Variants in CTNNA3 observed in about 807,000 individuals in gnomAD.
CTNNA3 encodes the protein catenin alpha-3.
In CTNNA3, 76 loss-of-function variants were observed where a neutral mutation model predicts 95.7. That is an observed-to-expected ratio of 0.79 (90% CI 0.66 to 0.96). The LOEUF (loss-of-function observed/expected upper bound fraction) is 0.96. Among genes scored for constraint, CTNNA3 ranks in the 40% least tolerant of loss-of-function variants. The pLI is 0.00. For missense variants in CTNNA3, 1,191 were observed against 1,089.8 expected (o/e 1.09, Z -1.31); for synonymous variants, 431 against 374.4 (o/e 1.15, Z -1.74).
intron 3 of CTNNA3, among the ~76,000 whole-genome samples, chr10:67,587,682 G>C (rs1392942649): frequency 6.6e-6 from 1 of 152,110 alleles, no homozygotes; most frequent in African/African-American, 2.4e-5. Flanking sequence ...ATGTGCCATA[G>C]CAAAGTCCTT....
intron 5 of CTNNA3, among the ~76,000 whole-genome samples, chr10:67,407,139 C>T (rs1424736773): frequency 6.6e-5 from 10 of 152,148 alleles, no homozygotes; most frequent in Non-Finnish European, 1.5e-4. Flanking sequence ...GGCCAATATC[C>T]TTGATAAACA....
chr10:66,595,617 G>A (rs180745134), intron 10 of CTNNA3, among the ~76,000 whole-genome samples: 81 of 152,082 alleles, frequency 5.3e-4, no homozygotes, highest in African/African-American at 1.7e-3. Flanking sequence ...GATTATAGGC[G>A]TCAGCCACCG....
intron 10 of CTNNA3, among the ~76,000 whole-genome samples, chr10:66,557,183 T>TC (rs2132123920): frequency 6.7e-6 from 1 of 150,288 alleles, no homozygotes; most frequent in South Asian, 2.1e-4. Flanking sequence ...ACGTGCTTTA[T>TC]ATGTGTGCAT....
At position 66,167,899 on chromosome 10, in the gene CTNNA3, TAATATCCCAG is replaced by T. The variant is rs538196890; in HGVS notation, c.1885-64660_1885-64651del. ...AGTGTGTCCAGAAATTGGCCTGCCTTAATATCCCAGATACACCTAGTCATCGGCTAAGCAC... is the reference window on the plus strand; with the variant it reads ...AGTGTGTCCAGAAATTGGCCTGCCTTATACACCTAGTCATCGGCTAAGCAC... On this transcript the variant is annotated intron_variant, in intron 13 of 17. Transcript: ENST00000433211. Among the ~76,000 whole-genome samples, 15 of 152,240 alleles carry T rather than the reference TAATATCCCAG, an allele frequency of 9.9e-5. No individual in the cohort carries two copies. In the South Asian group the frequency reaches 3.1e-3, roughly 32 times the overall value.
intron 5 of CTNNA3, among the ~76,000 whole-genome samples, chr10:67,291,047 G>T (rs1348353443): frequency 6.6e-6 from 1 of 152,098 alleles, no homozygotes; most frequent in Non-Finnish European, 1.5e-5. Flanking sequence ...ATGGACTCCG[G>T]AGTCAGATGC....
chr10:66,174,830 C>T (rs763650578), intron 13 of CTNNA3, among the ~76,000 whole-genome samples: 3 of 152,018 alleles, frequency 2.0e-5, no homozygotes, highest in Non-Finnish European at 4.4e-5. Context: ...ATGCTATCTC[C>T]TTTGTTCTTC....
intron 10 of CTNNA3, 127 bp downstream of exon 10, chr10:66,621,565 C>G: frequency 1.9e-6 from 1 of 532,628 alleles, no homozygotes. Flanking sequence ...GCATTCCAGC[C>G]TGGGCAACAG....
At chr10:65,949,658 G>T (rs1035401768) in intron 17 of CTNNA3, among the ~76,000 whole-genome samples, 1 of 152,142 alleles carries the variant, frequency 6.6e-6, no homozygotes, top group African/African-American at 2.4e-5. Flanking sequence ...ACCTCAGAGC[G>T]GGTTGTGAAA....
intron 3 of CTNNA3, among the ~76,000 whole-genome samples, chr10:67,560,245 G>A (rs146526774): frequency 0.036 from 5,240 of 146,132 alleles, 187 homozygotes; most frequent in Non-Finnish European, 0.053. Flanking sequence ...GAGAAAGGTC[G>A]GGTTACCCAC....
At chr10:66,452,935 G>T (rs1284457642) in intron 11 of CTNNA3, among the ~76,000 whole-genome samples, 1 of 152,090 alleles carries the variant, frequency 6.6e-6, no homozygotes, top group African/African-American at 2.4e-5. Flanking sequence ...CGAGCCTCTG[G>T]CTGGGTGCAG....
At chr10:66,485,197 A>G (rs958472220) in intron 11 of CTNNA3, among the ~76,000 whole-genome samples, 1 of 152,158 alleles carries the variant, frequency 6.6e-6, no homozygotes, top group African/African-American at 2.4e-5. Flanking sequence ...ACTTTTGCCA[A>G]TTCTATTAAA....
intron 3 of CTNNA3, among the ~76,000 whole-genome samples, chr10:67,591,385 G>A (rs929365573): frequency 6.6e-6 from 1 of 151,788 alleles, no homozygotes; most frequent in African/African-American, 2.4e-5. Flanking sequence ...TAGACAATAG[G>A]AACAAACCTA....
chr10:66,115,917 T>C (rs951591977), intron 13 of CTNNA3, among the ~76,000 whole-genome samples: 2 of 152,174 alleles, frequency 1.3e-5, no homozygotes, highest in Non-Finnish European at 2.9e-5. Context: ...TTCAGATCTA[T>C]ATTAGACTTT....
chr10:66,669,292 C>T (rs1255347867), intron 9 of CTNNA3, among the ~76,000 whole-genome samples: 1 of 151,936 alleles, frequency 6.6e-6, no homozygotes, highest in African/African-American at 2.4e-5. Context: ...GTTTGTAATC[C>T]CAGAACTTTG....
intron 7 of CTNNA3, among the ~76,000 whole-genome samples, chr10:67,164,010 T>G (rs1452650338): frequency 6.6e-6 from 1 of 151,956 alleles, no homozygotes; most frequent in Non-Finnish European, 1.5e-5. Flanking sequence ...CCTGTGTTCA[T>G]GAACTGGAAG....
In CTNNA3 at chr10:67,130,153, T is replaced by G. The variant is rs190394933; in HGVS notation, c.1047+50164A>C. Among the ~76,000 whole-genome samples, 786 of 152,176 alleles carry G rather than the reference T, an allele frequency of 5.2e-3. 6 individuals carry two copies. The highest frequency in any genetic ancestry group is 0.018 in the African/African-American group (734 of 41,530). ...TCCTTTAAAGAAACCTCAGGAGGGT[T>G]CCTGCCTCAGTGTTGCTCCTCTATG... On this transcript the variant is annotated intron_variant, in intron 7 of 17. Coordinates refer to ENST00000433211, the MANE Select transcript of CTNNA3 (RefSeq NM_013266.4).
chr10:65,966,571 A>C (rs139594183), intron 17 of CTNNA3, 41 bp downstream of exon 17: 2 of 1,550,638 alleles, frequency 1.3e-6, no homozygotes, highest in South Asian at 2.5e-5. Context: ...TGTTTCAAGC[A>C]TCTTCCACCT....
intron 7 of CTNNA3, among the ~76,000 whole-genome samples, chr10:67,008,582 C>T (rs1251095898): frequency 6.6e-6 from 1 of 152,130 alleles, no homozygotes; most frequent in Admixed American, 6.5e-5. Context: ...GCTGGCCTGG[C>T]TCATCTCTGA....
At chr10:66,650,021 C>G (rs1845840206) in intron 9 of CTNNA3, among the ~76,000 whole-genome samples, 1 of 152,190 alleles carries the variant, frequency 6.6e-6, no homozygotes, top group Admixed American at 6.5e-5. Context: ...ACTCAAATAT[C>G]CCACTTTCAG....
Sources: allele counts gnomAD v4.1 joint callset (sites outside exome capture counted in the v4.1 genomes callset), GRCh38; gene constraint gnomAD v4.1.1; transcripts MANE v1.5; gene names NCBI Gene and HGNC (gene_info 2026-07-23, HGNC 2026-07-21).